ATP6V0A4: variants seen among roughly 807,000 people sequenced by gnomAD.
ATP6V0A4 encodes the protein ATPase H+ transporting V0 subunit a4.
In ATP6V0A4, 86 loss-of-function variants were observed where a neutral mutation model predicts 107.3. That is an observed-to-expected ratio of 0.80 (90% confidence interval 0.67 to 0.96). ATP6V0A4 has a LOEUF of 0.96. Among genes scored for constraint, ATP6V0A4 ranks in the 40% least tolerant of loss-of-function variants. The probability of loss-of-function intolerance (pLI) is 0.00; values close to 1 mark genes in which losing one functional copy is unlikely to be tolerated. For synonymous variants in ATP6V0A4, 353 were observed against 381.4 expected (o/e 0.93, Z 0.87); for missense variants, 908 against 1,045.6 (o/e 0.87, Z 1.81).
chr7:138,730,600 C>T (rs1167220381), intron 17 of ATP6V0A4, among the ~76,000 whole-genome samples: 1 of 152,202 alleles, frequency 6.6e-6, no homozygotes, highest in African/African-American at 2.4e-5. Context: ...CACGCATTCA[C>T]TGTGCAATGC....
At chr7:138,723,217 C>G (rs1300577787) in intron 18 of ATP6V0A4, among the ~76,000 whole-genome samples, 2 of 152,138 alleles carry the variant, frequency 1.3e-5, no homozygotes. Context: ...GACACTAAAG[C>G]AATGCAAGTA....
rs1807252830 is a variant in ATP6V0A4 at position 138,769,268 on chromosome 7, C to CACAAGATA, written c.118-25_118-18dup. The CACAAGATA allele has an allele frequency of 5.0e-6, 8 of 1,607,010 alleles. No homozygotes were observed. Among genetic ancestry groups the CACAAGATA allele is most frequent in the Non-Finnish European group, 6.8e-6 (8 of 1,177,812 alleles). ...CATATTTAACTATGGGGGCGAAAAT[C>CACAAGATA]ACAAGATACATGTTAGTAGCAACAG... is the stretch of plus-strand genomic sequence containing the variant. On this transcript the variant is annotated splice_polypyrimidine_tract_variant and intron_variant, in intron 3 of 21. Transcript: ENST00000310018.
chr7:138,709,842 G>A, intron 20 of ATP6V0A4, 47 bp from the exon 21 acceptor site: 1 of 1,596,868 alleles, frequency 6.3e-7, no homozygotes, highest in Non-Finnish European at 8.6e-7. Flanking sequence ...AATGCAGATT[G>A]TTATTTATTG....
At chr7:138,748,571 T>C (rs1806072480) in intron 12 of ATP6V0A4, among the ~76,000 whole-genome samples, 1 of 152,084 alleles carries the variant, frequency 6.6e-6, no homozygotes, top group Non-Finnish European at 1.5e-5. Context: ...CATGCCCTAC[T>C]AATTTTTGTA....
chr7:138,736,859 T>C (rs1009045347), intron 15 of ATP6V0A4, among the ~76,000 whole-genome samples: 4 of 151,812 alleles, frequency 2.6e-5, no homozygotes, highest in African/African-American at 9.7e-5. Flanking sequence ...GTGTGAGCCA[T>C]CGCGCCCGGC....
intron 5 of ATP6V0A4, among the ~76,000 whole-genome samples, chr7:138,768,106 G>A (rs1203016830): frequency 6.6e-6 from 1 of 152,060 alleles, no homozygotes; most frequent in African/African-American, 2.4e-5. Flanking sequence ...GCTAATTTTT[G>A]TATATTTAGT....
intron 18 of ATP6V0A4, among the ~76,000 whole-genome samples, chr7:138,727,996 T>C (rs1429473097): frequency 6.6e-6 from 1 of 152,154 alleles, no homozygotes. Context: ...ATTGAATTTG[T>C]TTACTCTTCT....
chr7:138,769,106 C>A (rs929471771), intron 4 of ATP6V0A4, 67 bp downstream of exon 4: 26 of 1,598,010 alleles, frequency 1.6e-5, no homozygotes, highest in Non-Finnish European at 2.0e-5. Context: ...TTAAGTCCTG[C>A]AAACTATTAA....
intron 5 of ATP6V0A4, among the ~76,000 whole-genome samples, chr7:138,767,379 T>G (rs544524285): frequency 1.7e-4 from 26 of 151,922 alleles, no homozygotes; most frequent in Admixed American, 1.6e-3. Context: ...AAAAATTAGC[T>G]GGGCGTGGTG....
At chr7:138,745,827 G>A (rs1053496409) in intron 13 of ATP6V0A4, among the ~76,000 whole-genome samples, 21 of 144,542 alleles carry the variant, frequency 1.5e-4, no homozygotes, top group African/African-American at 3.3e-4. Context: ...CACGTTAGTC[G>A]CAGTTACTCA....
chr7:138,752,489 T>A, intron 11 of ATP6V0A4, 136 bp downstream of exon 11: 1 of 1,122,908 alleles, frequency 8.9e-7, no homozygotes, highest in Admixed American at 2.0e-5. Flanking sequence ...GGTTGATAAC[T>A]GAAGACACAA....
chr7:138,789,411 C>T (rs1808308013), intron 1 of ATP6V0A4, among the ~76,000 whole-genome samples: 1 of 151,646 alleles, frequency 6.6e-6, no homozygotes, highest in African/African-American at 2.4e-5. Flanking sequence ...TCACGCCTGC[C>T]TAGTTTTTGT....
intron 10 of ATP6V0A4, among the ~76,000 whole-genome samples, chr7:138,753,844 A>T (rs1806362718): frequency 6.6e-6 from 1 of 152,172 alleles, no homozygotes; most frequent in Non-Finnish European, 1.5e-5. Context: ...GACTTTCAGA[A>T]ACCTCAAAGA....
intron 18 of ATP6V0A4, among the ~76,000 whole-genome samples, chr7:138,723,819 C>G (rs1447013359): frequency 6.6e-6 from 1 of 151,992 alleles, no homozygotes. Context: ...AGCCACCACA[C>G]CCAGCCAGGG....
chr7:138,709,905 G>A, intron 20 of ATP6V0A4, 110 bp from the exon 21 acceptor site: 2 of 1,259,252 alleles, frequency 1.6e-6, no homozygotes, highest in South Asian at 1.6e-5. Context: ...ATAGAGACAG[G>A]GTCTCACTCT....
At chr7:138,754,255 C>T (rs1401749703) in intron 10 of ATP6V0A4, among the ~76,000 whole-genome samples, 10 of 151,940 alleles carry the variant, frequency 6.6e-5, no homozygotes, top group Non-Finnish European at 1.5e-4. Flanking sequence ...TCGAGACCAG[C>T]CTGACCGACA....
intron 20 of ATP6V0A4, among the ~76,000 whole-genome samples, chr7:138,713,139 A>AT (rs1336744411): frequency 1.4e-5 from 2 of 146,420 alleles, no homozygotes; most frequent in Non-Finnish European, 3.1e-5. Flanking sequence ...AAATACAAAA[A>AT]TTAAAAAAAA....
At chr7:138,776,320 C>A (rs1184940978) in intron 2 of ATP6V0A4, among the ~76,000 whole-genome samples, 2 of 152,224 alleles carry the variant, frequency 1.3e-5, no homozygotes, top group Non-Finnish European at 2.9e-5. Context: ...AGAGCACCTG[C>A]TCTGTACCCT....
chr7:138,757,796 A>G (rs1461770332), intron 8 of ATP6V0A4, among the ~76,000 whole-genome samples: 1 of 152,230 alleles, frequency 6.6e-6, no homozygotes, highest in Admixed American at 6.5e-5. Flanking sequence ...AAAATTAGAA[A>G]TAAAGTGTCC....
Sources: allele counts gnomAD v4.1 joint callset (sites outside exome capture counted in the v4.1 genomes callset), GRCh38; gene constraint gnomAD v4.1.1; transcripts MANE v1.5; gene names NCBI Gene and HGNC (gene_info 2026-07-23, HGNC 2026-07-21).